The following RFX4 variants were observed in gnomAD, a reference collection of about 807,000 sequenced individuals.
RFX4 encodes the protein transcription factor RFX4.
Under a neutral mutation model 95.0 loss-of-function variants are expected in RFX4, and 10 were observed. The ratio of observed to expected loss-of-function variants is 0.11; its 90% CI spans 0.06 to 0.18. The LOEUF (loss-of-function observed/expected upper bound fraction) is 0.18. Among genes scored for constraint, RFX4 ranks in the 10% least tolerant of loss-of-function variants. RFX4 has a pLI of 1.00. For missense variants in RFX4, 640 were observed against 922.0 expected (o/e 0.69, Z 3.96); for synonymous variants, 321 against 340.7 (o/e 0.94, Z 0.64).
intron 16 of RFX4, among the ~76,000 whole-genome samples, chr12:106,748,503 G>C (rs949003180): frequency 2.0e-5 from 3 of 152,136 alleles, no homozygotes; most frequent in African/African-American, 7.2e-5. Context: ...CAAATACGTG[G>C]AGTGATGTTG....
chr12:106,688,517 G>A (rs191423350), intron 6 of RFX4, among the ~76,000 whole-genome samples: 49 of 152,222 alleles, frequency 3.2e-4, no homozygotes, highest in African/African-American at 1.1e-3. Flanking sequence ...GAGTCAACCA[G>A]GGAGATAGTG....
intron 3 of RFX4, among the ~76,000 whole-genome samples, chr12:106,645,506 T>TG (rs2040727583): frequency 6.6e-6 from 1 of 151,196 alleles, no homozygotes; most frequent in Non-Finnish European, 1.5e-5. Flanking sequence ...CGGGGGGGAT[T>TG]GGGGGGAGAT....
At chr12:106,722,603 C>CA (rs1306131444) in intron 13 of RFX4, among the ~76,000 whole-genome samples, 3 of 151,800 alleles carry the variant, frequency 2.0e-5, no homozygotes, top group East Asian at 1.9e-4. Context: ...AGGCAAATGG[C>CA]AAAAAAAGAT....
chr12:106,641,974 T>TATCTATATCTA (rs1438841489), intron 3 of RFX4, among the ~76,000 whole-genome samples: 1 of 107,384 alleles, frequency 9.3e-6, no homozygotes, highest in South Asian at 3.0e-4. Flanking sequence ...TATCTATCTA[T>TATCTATATCTA]ATCTATATCT....
intron 16 of RFX4, 114 bp from the exon 17 acceptor site, chr12:106,750,541 G>T: frequency 1.9e-6 from 2 of 1,044,430 alleles, no homozygotes; most frequent in Non-Finnish European, 2.6e-6. Context: ...GGGAAGAAAA[G>T]AAAAGAGAAA....
intron 13 of RFX4, among the ~76,000 whole-genome samples, chr12:106,726,338 G>C (rs2042497256): frequency 6.6e-6 from 1 of 151,904 alleles, no homozygotes; most frequent in Non-Finnish European, 1.5e-5. Flanking sequence ...GCCCAGCCTA[G>C]GATGTCTGAT....
chr12:106,691,504 G>A (rs149101567), intron 7 of RFX4, among the ~76,000 whole-genome samples: 47 of 152,340 alleles, frequency 3.1e-4, no homozygotes, highest in African/African-American at 1.1e-3. Flanking sequence ...TACCTCTGAT[G>A]AGGATGGCTT....
intron 4 of RFX4, among the ~76,000 whole-genome samples, chr12:106,667,970 T>A (rs2041210326): frequency 6.6e-6 from 1 of 152,178 alleles, no homozygotes. Context: ...ATAAAGTCGA[T>A]CCTAGGTGGA....
intron 13 of RFX4, among the ~76,000 whole-genome samples, chr12:106,726,831 G>A (rs961542994): frequency 3.3e-5 from 5 of 152,258 alleles, no homozygotes; most frequent in Non-Finnish European, 1.5e-5. Flanking sequence ...GAGTGCAGTG[G>A]TGCAATGTCG....
At chr12:106,683,802 A>G (rs2041583529) in intron 5 of RFX4, 1 of 152,240 alleles carries the variant, frequency 6.6e-6, no homozygotes, top group Admixed American at 6.5e-5. Context: ...AAGGTTTCCC[A>G]TCCTGCATAA....
chr12:106,639,417 C>T, intron 3 of RFX4, 25 bp downstream of exon 3: 6 of 1,608,782 alleles, frequency 3.7e-6, no homozygotes, highest in Non-Finnish European at 4.3e-6. Context: ...TTAGCAAGTT[C>T]TGTCTTCAGA....
At chr12:106,599,247 GA>G (rs2039664407) in intron 1 of RFX4, among the ~76,000 whole-genome samples, 1 of 149,930 alleles carries the variant, frequency 6.7e-6, no homozygotes, top group Non-Finnish European at 1.5e-5. Context: ...GCCCACTTTA[GA>G]GTTTTACATA....
chr12:106,589,367 G>A (rs1385246988), intron 1 of RFX4, among the ~76,000 whole-genome samples: 2 of 152,150 alleles, frequency 1.3e-5, no homozygotes, highest in Non-Finnish European at 2.9e-5. Context: ...GAGAAGGTAT[G>A]GACACACTGA....
chr12:106,643,848 T>C (rs919793984), intron 3 of RFX4, among the ~76,000 whole-genome samples: 2 of 152,228 alleles, frequency 1.3e-5, no homozygotes, highest in Non-Finnish European at 2.9e-5. Context: ...CTCCAGTCCA[T>C]TTCTCCTTGT....
At chr12:106,593,258 G>A (rs78544917) in intron 1 of RFX4, among the ~76,000 whole-genome samples, 216 of 152,326 alleles carry the variant, frequency 1.4e-3, no homozygotes, top group African/African-American at 4.8e-3. Context: ...GCTGCAACCC[G>A]GTGAAGGTTA....
chr12:106,762,731 T>G lies in RFX4; in HGVS notation c.*1262T>G, dbSNP rs1458486976. ...GTGATAATTGTGTCTACAGCTAAAATGGAAATAGTTTTATCTGTACAGTTG... is the reference window on the plus strand; with the variant it reads ...GTGATAATTGTGTCTACAGCTAAAAGGGAAATAGTTTTATCTGTACAGTTG... On this transcript the variant is annotated 3_prime_UTR_variant, in exon 18 of 18. Coordinates refer to ENST00000392842, the MANE Select transcript of RFX4 (RefSeq NM_213594.3). The G allele has an allele frequency of 6.6e-6, 1 of 152,208 alleles. No homozygotes were observed. Among genetic ancestry groups the G allele is most frequent in the Non-Finnish European group, 1.5e-5 (1 of 67,984 alleles). The allele number at this position is 152,208 out of a possible 1,614,324, so 9.4% of individuals were successfully genotyped here. A position where few individuals can be genotyped will look rare whatever the true frequency, so the allele number is the denominator to read the frequency against.
chr12:106,629,932 T>C (rs2040384694), intron 2 of RFX4, among the ~76,000 whole-genome samples: 1 of 152,224 alleles, frequency 6.6e-6, no homozygotes, highest in Non-Finnish European at 1.5e-5. Context: ...CTGTTTCTCA[T>C]AGCTTCACAG....
In RFX4 at chr12:106,761,612, T is replaced by C. The variant is rs756786568; in HGVS notation, c.*143T>C. On this transcript the variant is annotated 3_prime_UTR_variant, in exon 18 of 18. Transcript: ENST00000392842. ...TAAGTGCCCATTTTCCTAATGAACA[T>C]GAGGATGGGATCAATGTGGGATGAA... The C allele has an allele frequency of 6.2e-6, 3 of 482,560 alleles. No individual in the cohort carries two copies. The highest frequency in any genetic ancestry group is 9.1e-5 in the South Asian group (1 of 11,022). 29.9% of individuals were successfully genotyped at this position (482,560 alleles called of 1,614,324 possible).
chr12:106,715,201 A>G (rs1322760968), intron 10 of RFX4, 199 bp from the exon 11 acceptor site: 2 of 580,816 alleles, frequency 3.4e-6, no homozygotes, highest in Non-Finnish European at 5.9e-6. Context: ...AGATGTGTGG[A>G]AAGAACCATA....
Sources: gnomAD v4.1 joint callset for allele counts (sites outside exome capture counted in the v4.1 genomes callset) on GRCh38, gnomAD v4.1.1 for gene constraint, MANE v1.5 for transcripts, NCBI Gene and HGNC (gene_info 2026-07-23, HGNC 2026-07-21) for gene names.